AGAP1: variants seen among roughly 807,000 people sequenced by gnomAD.
AGAP1 encodes ArfGAP with GTPase domain, ankyrin repeat and PH domain 1.
In AGAP1, 29 loss-of-function variants were observed where a neutral mutation model predicts 105.3. That is an observed-to-expected ratio of 0.28 (90% CI 0.21 to 0.38). The LOEUF is 0.38. Ranked by LOEUF, AGAP1 falls within the 10% of genes least tolerant of loss-of-function variation. AGAP1 has a pLI of 1.00. For synonymous variants in AGAP1, 509 were observed against 485.9 expected (o/e 1.05, Z -0.63); for missense variants, 998 against 1,165.1 (o/e 0.86, Z 2.09).
chr2:235,678,897 T>G (rs1047649767), intron 1 of AGAP1, among the ~76,000 whole-genome samples: 1 of 152,168 alleles, frequency 6.6e-6, no homozygotes, highest in African/African-American at 2.4e-5. Flanking sequence ...GGCTTGTGTT[T>G]CGCCATGTAG....
chr2:235,580,880 C>T (rs1944908158), intron 1 of AGAP1, among the ~76,000 whole-genome samples: 2 of 152,074 alleles, frequency 1.3e-5, no homozygotes, highest in African/African-American at 4.8e-5. Context: ...TGCTCTCGAC[C>T]TTAGGGTGTA....
chr2:235,980,647 A>G (rs530262620), intron 13 of AGAP1, among the ~76,000 whole-genome samples: 1 of 152,288 alleles, frequency 6.6e-6, no homozygotes, highest in East Asian at 1.9e-4. Flanking sequence ...GTTAGTTTCC[A>G]TCTTGGCATA....
At chr2:235,571,555 A>C (rs1944514795) in intron 1 of AGAP1, among the ~76,000 whole-genome samples, 1 of 152,166 alleles carries the variant, frequency 6.6e-6, no homozygotes, top group Admixed American at 6.5e-5. Context: ...GCTAAGGTTA[A>C]AATATTAACC....
In AGAP1 at chr2:235,720,089, T is replaced by A. The variant is rs554681949; in HGVS notation, c.310+2445T>A. Among the ~76,000 whole-genome samples the A allele has an allele frequency of 6.6e-6, 1 of 152,310 alleles. No individual in the cohort carries two copies. Among genetic ancestry groups the A allele is most frequent in the African/African-American group, 2.4e-5 (1 of 41,564 alleles). ...AGTGGCAGGAGGGAGCCATAACTTG[T>A]TGTAATGTCACTTGTAATGAAGGGA... On this transcript the variant is annotated intron_variant, in intron 3 of 17. Coordinates refer to ENST00000304032, the MANE Select transcript of AGAP1 (RefSeq NM_001037131.3). The surrounding 1 kb of genome is among the most constrained non-coding windows in gnomAD (Gnocchi z 5.0).
At chr2:235,796,704 C>T (rs1575489897) in intron 6 of AGAP1, among the ~76,000 whole-genome samples, 1 of 151,944 alleles carries the variant, frequency 6.6e-6, no homozygotes, top group Non-Finnish European at 1.5e-5. Flanking sequence ...ATATGGGCCC[C>T]GTCTACGTTA....
chr2:235,686,550 TATATATAC>T (rs1344924849), intron 1 of AGAP1, among the ~76,000 whole-genome samples: 8 of 90,204 alleles, frequency 8.9e-5, no homozygotes, highest in East Asian at 5.8e-4. Flanking sequence ...GAAGGAGATA[TATATATAC>T]ACACACACAC....
rs2059461682 is a variant in AGAP1 at position 236,105,539 on chromosome 2, A to G, written c.2115-14653A>G. On this transcript the variant is annotated intron_variant, in intron 16 of 17. Transcript: ENST00000304032. This position sits in a 1 kb window ranked among gnomAD's most constrained non-coding sequence, Gnocchi z 4.2. ...CATGTGGAGGAGAGAGGAGAGGGGC[A>G]TCTCTCGTGTCTTTTTTTTTTTTTT... Among the ~76,000 whole-genome samples the G allele has an allele frequency of 6.9e-6, 1 of 144,506 alleles. No homozygotes were observed. Among genetic ancestry groups the G allele is most frequent in the Non-Finnish European group, 1.5e-5 (1 of 66,794 alleles). 94.8% of individuals were successfully genotyped at this position (144,506 alleles called of 152,430 possible).
intron 13 of AGAP1, among the ~76,000 whole-genome samples, chr2:235,972,797 G>A (rs147504276): frequency 6.0e-4 from 92 of 152,272 alleles, no homozygotes; most frequent in African/African-American, 1.7e-3. Context: ...CCTGAAGCCC[G>A]TGCCATGCCA....
At chr2:235,881,292 A>T (rs1440515681) in intron 9 of AGAP1, among the ~76,000 whole-genome samples, 1 of 152,200 alleles carries the variant, frequency 6.6e-6, no homozygotes, top group Non-Finnish European at 1.5e-5. Context: ...CTTGAAAGAT[A>T]GCAGAATTTA....
intron 1 of AGAP1, among the ~76,000 whole-genome samples, chr2:235,597,198 A>T (rs985445545): frequency 7.2e-5 from 11 of 152,256 alleles, no homozygotes; most frequent in Non-Finnish European, 1.3e-4. Flanking sequence ...CCTGTGGTTC[A>T]GCGTTGTCAC....
chr2:236,031,169 G>A (rs2057211525), intron 13 of AGAP1, among the ~76,000 whole-genome samples: 1 of 152,158 alleles, frequency 6.6e-6, no homozygotes, highest in Non-Finnish European at 1.5e-5. Context: ...AACTGTACAT[G>A]TCTGTAGGAA....
chr2:235,916,055 C>T (rs6431409), intron 11 of AGAP1, among the ~76,000 whole-genome samples: 117,968 of 152,140 alleles, frequency 0.78, 45,841 homozygotes, highest in East Asian at 0.98. Context: ...TATGCAAAGA[C>T]GACTACTAAT....
intron 1 of AGAP1, among the ~76,000 whole-genome samples, chr2:235,593,273 C>T (rs1441650264): frequency 1.1e-4 from 16 of 152,110 alleles, no homozygotes; most frequent in Admixed American, 9.2e-4. Flanking sequence ...ATAGGCTCTT[C>T]CCTGGAGGGA....
Position 235,689,538 on chromosome 2 carries a change from G to T in AGAP1, c.164-19641G>T, listed in dbSNP as rs1949637255. ...GAGAAAGATGGTACTGTGTGGTGGG[G>T]AATTCTGAAAGTCTTAAGTCTGTTT... On this transcript the variant is annotated intron_variant, in intron 1 of 17. Coordinates refer to ENST00000304032, the MANE Select transcript of AGAP1 (RefSeq NM_001037131.3). This position sits in a 1 kb window ranked among gnomAD's most constrained non-coding sequence, Gnocchi z 4.2. 6.6e-6 allele frequency among the ~76,000 whole-genome samples: 1 copy of T among 152,244 alleles called. No individual in the cohort carries two copies. The highest frequency in any genetic ancestry group is 1.5e-5 in the Non-Finnish European group (1 of 68,030).
intron 1 of AGAP1, among the ~76,000 whole-genome samples, chr2:235,548,375 A>G (rs556842875): frequency 1.2e-4 from 18 of 152,280 alleles, no homozygotes; most frequent in Admixed American, 2.0e-4. Context: ...AAATGCAACA[A>G]TGGGCCAGGC....
chr2:235,840,441 T>G (rs1960682246), intron 9 of AGAP1, among the ~76,000 whole-genome samples: 1 of 152,248 alleles, frequency 6.6e-6, no homozygotes, highest in East Asian at 1.9e-4. Flanking sequence ...AGCCTCTTCC[T>G]TAGCCTCCTT....
rs1358377551 is a variant in AGAP1, at chr2:235,906,772, T to A, written c.1156-1966T>A. Among the ~76,000 whole-genome samples, 1 of 152,240 alleles carries A rather than the reference T, an allele frequency of 6.6e-6. No homozygotes were observed. Among genetic ancestry groups the A allele is most frequent in the Non-Finnish European group, 1.5e-5 (1 of 68,048 alleles). On this transcript the variant is annotated intron_variant, in intron 10 of 17. Coordinates refer to ENST00000304032, the MANE Select transcript of AGAP1 (RefSeq NM_001037131.3). The surrounding 1 kb of genome is among the most constrained non-coding windows in gnomAD (Gnocchi z 5.3). ...ATTCCTTTCCCCTGAACTGGAATTG[T>A]GTACTTTGTGGCTTTTGTTGTGCCT...
Position 235,571,756 on chromosome 2 carries a change from C to T in AGAP1, c.163+76907C>T, listed in dbSNP as rs1048418404. ...TCAGTGCTCAATGAAGGGAAAGGGG[C>T]TTCACTTCCCCAACAGAGTGGCCCT... is the stretch of plus-strand genomic sequence containing the variant. On this transcript the variant is annotated intron_variant, in intron 1 of 17. Coordinates refer to ENST00000304032, the MANE Select transcript of AGAP1 (RefSeq NM_001037131.3). 2.0e-5 allele frequency among the ~76,000 whole-genome samples: 3 copies of T among 151,866 alleles called. No homozygotes were observed. In the East Asian group the frequency reaches 5.9e-4, roughly 30 times the overall value.
At chr2:235,502,659 C>G (rs935152322) in intron 1 of AGAP1, among the ~76,000 whole-genome samples, 1 of 142,886 alleles carries the variant, frequency 7.0e-6, no homozygotes, top group Non-Finnish European at 1.5e-5. Flanking sequence ...CTCATGCCGT[C>G]TGGTTGTCAT....
Sources: allele counts gnomAD v4.1 joint callset (sites outside exome capture counted in the v4.1 genomes callset), GRCh38; gene constraint gnomAD v4.1.1; non-coding constraint Gnocchi (gnomAD v3.1); transcripts MANE v1.5; gene names NCBI Gene and HGNC (gene_info 2026-07-23, HGNC 2026-07-21).